The following ATXN10 variants were observed in gnomAD, a reference collection of about 807,000 sequenced individuals.
The protein encoded by ATXN10 is ataxin-10.
A neutral mutation model predicts 52.9 loss-of-function variants in ATXN10; 28 were observed. The observed-to-expected ratio is 0.53, with a 90% CI of 0.39 to 0.73. ATXN10 has a LOEUF of 0.73. Ranked by LOEUF, ATXN10 falls within the 30% of genes least tolerant of loss-of-function variation. ATXN10 has a pLI of 0.00. For missense variants in ATXN10, 565 were observed against 577.0 expected, an observed-to-expected ratio of 0.98 and a Z score of 0.21; for synonymous variants, 226 against 221.5, an observed-to-expected ratio of 1.02 and a Z score of -0.18.
At chr22:45,685,513 AC>A (rs911725486) in intron 1 of ATXN10, among the ~76,000 whole-genome samples, 12 of 152,166 alleles carry the variant, frequency 7.9e-5, no homozygotes, top group African/African-American at 2.9e-4. Flanking sequence ...ATTATTAATA[AC>A]TTTTGTAATA....
intron 10 of ATXN10, among the ~76,000 whole-genome samples, chr22:45,813,361 G>C (rs713681): frequency 0.088 from 12,662 of 144,028 alleles, 747 homozygotes; most frequent in Middle Eastern, 0.15. Context: ...TGTTTTTACT[G>C]GGGGGAGGGT....
intron 9 of ATXN10, among the ~76,000 whole-genome samples, chr22:45,804,428 A>AT (rs1928032170): frequency 6.6e-6 from 1 of 152,154 alleles, no homozygotes; most frequent in Non-Finnish European, 1.5e-5. Flanking sequence ...TTACCAACTA[A>AT]TTTTTTCTCT....
intron 5 of ATXN10, among the ~76,000 whole-genome samples, chr22:45,711,416 G>A (rs922791151): frequency 3.3e-5 from 5 of 152,090 alleles, no homozygotes; most frequent in South Asian, 2.1e-4. Flanking sequence ...AAGGGGTGCC[G>A]AACCGTTCTG....
rs149590379 is a variant in ATXN10 at position 45,684,922 on chromosome 22, G to T, written c.117-4790G>T. The stretch of plus-strand genomic sequence containing the variant: ...ATTATGGTTTTAGATAACAACCAGT[G>T]ATTGTTGTTTTAATCTGTGAACTTG... On this transcript the variant is annotated intron_variant, in intron 1 of 11. Coordinates refer to ENST00000252934, the MANE Select transcript of ATXN10 (RefSeq NM_013236.4). The surrounding 1 kb of genome is among the most constrained non-coding windows in gnomAD (Gnocchi z 4.1). 3.6e-3 allele frequency among the ~76,000 whole-genome samples: 550 copies of T among 152,310 alleles called. 6 individuals carry two copies. Among genetic ancestry groups the T allele is most frequent in the African/African-American group, 0.013 (533 of 41,568 alleles).
Position 45,789,245 on chromosome 22 carries a change from T to C in ATXN10, c.1174-17714T>C, listed in dbSNP as rs1927423633. 1.3e-5 allele frequency among the ~76,000 whole-genome samples: 2 copies of C among 152,244 alleles called. No individual in the cohort carries two copies. Among genetic ancestry groups the C allele is most frequent in the South Asian group, 4.1e-4 (2 of 4,836 alleles). On this transcript the variant is annotated intron_variant, in intron 9 of 11. Coordinates refer to ENST00000252934, the MANE Select transcript of ATXN10 (RefSeq NM_013236.4). This position sits in a 1 kb window ranked among gnomAD's most constrained non-coding sequence, Gnocchi z 4.0. The stretch of plus-strand genomic sequence containing the variant: ...TAGGAATTACCATAATTTGTAAATG[T>C]ATTTTTAGTTATTAATTTACTCACC...
At position 45,688,642 on chromosome 22, in the gene ATXN10, C is replaced by G. The variant is rs1275600075; in HGVS notation, c.117-1070C>G. On this transcript the variant is annotated intron_variant, in intron 1 of 11. Transcript: ENST00000252934. The surrounding 1 kb of genome is among the most constrained non-coding windows in gnomAD (Gnocchi z 4.0). The stretch of plus-strand genomic sequence containing the variant: ...TGTCTTCTGCGGCAACTGAGCAGCT[C>G]TGTAACCTGGGCAGCTCAGTGTCCA... 1.3e-5 allele frequency among the ~76,000 whole-genome samples: 2 copies of G among 152,204 alleles called. No individual in the cohort carries two copies. Among genetic ancestry groups the G allele is most frequent in the African/African-American group, 4.8e-5 (2 of 41,452 alleles).
At chr22:45,834,465 G>C (rs1339797333) in intron 10 of ATXN10, among the ~76,000 whole-genome samples, 2 of 152,210 alleles carry the variant, frequency 1.3e-5, no homozygotes. Flanking sequence ...GGTTGTGTGT[G>C]GAGACACTGA....
rs959424406 is a variant in ATXN10, at chr22:45,824,431, G to A, written c.1237+17409G>A. Among the ~76,000 whole-genome samples the A allele has an allele frequency of 2.0e-4, 30 of 152,074 alleles. No homozygotes were observed. Among genetic ancestry groups the A allele is most frequent in the African/African-American group, 7.0e-4 (29 of 41,484 alleles). On this transcript the variant is annotated intron_variant, in intron 10 of 11. Transcript: ENST00000252934. The surrounding 1 kb of genome is among the most constrained non-coding windows in gnomAD (Gnocchi z 5.2). ...TTTGTAATTATGTGTTTATTTCTCT[G>A]CATCTAACTCTCCTCAAGGCACTAA...
chr22:45,697,126 C>T (rs1923639803), intron 3 of ATXN10, among the ~76,000 whole-genome samples: 3 of 152,000 alleles, frequency 2.0e-5, no homozygotes, highest in Admixed American at 2.0e-4. Flanking sequence ...CCATCTCTAC[C>T]TAATTAAAAA....
At chr22:45,674,141 G>A (rs1234336835) in intron 1 of ATXN10, 1 of 152,286 alleles carries the variant, frequency 6.6e-6, no homozygotes, top group African/African-American at 2.4e-5. Flanking sequence ...CCTTTAAGGA[G>A]TGGTAGCGGA....
chr22:45,700,225 T>G, intron 3 of ATXN10, 57 bp from the exon 4 acceptor site: 1 of 1,191,478 alleles, frequency 8.4e-7, no homozygotes. Context: ...TTAAGATGCA[T>G]TTATTTATTG....
chr22:45,731,921 G>A (rs1201284773), intron 7 of ATXN10, among the ~76,000 whole-genome samples: 2 of 152,150 alleles, frequency 1.3e-5, no homozygotes, highest in African/African-American at 4.8e-5. Context: ...ATTTGCCTTT[G>A]TTTCCAGCAG....
Position 45,702,719 on chromosome 22 carries a change from T to C in ATXN10, c.519T>C (p.Ile173=), listed in dbSNP as rs776228550. ...LSCLNHPDKK[I]VAYSSMILFT... Reference sequence around the variant, plus strand: ...GCTTAAATCATCCGGACAAAAAAATTGTTGCCTACTCTTCAATGATTTTGT... The same window carrying C: ...GCTTAAATCATCCGGACAAAAAAATCGTTGCCTACTCTTCAATGATTTTGT... Residue 173 remains isoleucine (I), a synonymous_variant, in exon 5 of 12, where the codon ATT becomes ATC. Transcript: ENST00000252934. 13 of 1,613,898 alleles carry C rather than the reference T, an allele frequency of 8.1e-6. No homozygotes were observed.
chr22:45,823,462 G>A lies in ATXN10; in HGVS notation c.1237+16440G>A, dbSNP rs528638674. 6.6e-6 allele frequency among the ~76,000 whole-genome samples: 1 copy of A among 152,152 alleles called. No individual in the cohort carries two copies. The highest frequency in any genetic ancestry group is 2.1e-4 in the South Asian group (1 of 4,814). ...TAATTTCCCCTGCGATTATGCAGTT[G>A]TTTCCGTTTCAGTATTTAAAAACCT... On this transcript the variant is annotated intron_variant, in intron 10 of 11. Coordinates refer to ENST00000252934, the MANE Select transcript of ATXN10 (RefSeq NM_013236.4). This position sits in a 1 kb window ranked among gnomAD's most constrained non-coding sequence, Gnocchi z 4.9.
At chr22:45,675,202 T>G (rs1457371510) in intron 1 of ATXN10, 1 of 152,202 alleles carries the variant, frequency 6.6e-6, no homozygotes, top group Non-Finnish European at 1.5e-5. Flanking sequence ...TGCAGCTATT[T>G]CAGGAAGACA....
chr22:45,840,844 C>G lies in ATXN10; in HGVS notation c.1238-2147C>G, dbSNP rs1284917141. Among the ~76,000 whole-genome samples, 1 of 152,206 alleles carries G rather than the reference C, an allele frequency of 6.6e-6. No individual in the cohort carries two copies. The highest frequency in any genetic ancestry group is 1.5e-5 in the Non-Finnish European group (1 of 68,030). ...TCAGAAAGGAGTGTTATGCTTCTTT[C>G]ATTTACCATTAGAGAGTTATACTCA... On this transcript the variant is annotated intron_variant, in intron 10 of 11. Coordinates refer to ENST00000252934, the MANE Select transcript of ATXN10 (RefSeq NM_013236.4). This position sits in a 1 kb window ranked among gnomAD's most constrained non-coding sequence, Gnocchi z 5.8.
intron 7 of ATXN10, among the ~76,000 whole-genome samples, chr22:45,736,808 A>T (rs1039625335): frequency 9.9e-5 from 15 of 152,088 alleles, no homozygotes; most frequent in Non-Finnish European, 2.9e-5. Context: ...GAAGCACATG[A>T]GGCTTGGTTG....
intron 10 of ATXN10, among the ~76,000 whole-genome samples, chr22:45,829,281 C>G (rs1039425103): frequency 6.6e-6 from 1 of 152,144 alleles, no homozygotes; most frequent in East Asian, 1.9e-4. Context: ...AAACATAACT[C>G]CACGATGAAA....
At chr22:45,748,508 C>G (rs541739381) in intron 9 of ATXN10, among the ~76,000 whole-genome samples, 1 of 152,054 alleles carries the variant, frequency 6.6e-6, no homozygotes, top group South Asian at 2.1e-4. Context: ...TGTTTTCTGA[C>G]TTGAATTTCT....
Sources: allele counts gnomAD v4.1 joint callset (sites outside exome capture counted in the v4.1 genomes callset), GRCh38; gene constraint gnomAD v4.1.1; non-coding constraint Gnocchi (gnomAD v3.1); transcripts MANE v1.5; gene names NCBI Gene and HGNC (gene_info 2026-07-23, HGNC 2026-07-21).